The following GALM variants were observed in gnomAD, a reference collection of about 807,000 sequenced individuals.
The protein encoded by GALM is aldose 1-epimerase.
In GALM, 43 loss-of-function variants were observed where a neutral mutation model predicts 37.4. That is an observed-to-expected ratio of 1.15 (90% CI 0.90 to 1.48). The LOEUF is 1.48. GALM is among the 40% of genes most tolerant of loss of function. The probability of loss-of-function intolerance (pLI) is 0.00; values close to 1 mark genes in which losing one functional copy is unlikely to be tolerated. For missense variants in GALM, 456 were observed against 419.1 expected, an observed-to-expected ratio of 1.09 and a Z score of -0.77; for synonymous variants, 199 against 170.6, an observed-to-expected ratio of 1.17 and a Z score of -1.30.
chr2:38,696,781 CTTTTTTTTT>C (rs34163863), intron 4 of GALM, among the ~76,000 whole-genome samples: 10 of 68,474 alleles, frequency 1.5e-4, no homozygotes, highest in Non-Finnish European at 2.2e-4. Context: ...CCCAAGAAAG[CTTTTTTTTT>C]TTTTTTTTTT....
chr2:38,686,241 T>TTTCTTTCTTTCTTTCTTTCTTTCTTTCC (rs1665520073), intron 3 of GALM, among the ~76,000 whole-genome samples: 3 of 93,630 alleles, frequency 3.2e-5, no homozygotes, highest in African/African-American at 1.9e-4. Context: ...TCTTTCTTTC[T>TTTCTTTCTTTCTTTCTTTCTTTCTTTCC]TTCTTTCTTT....
chr2:38,674,249 G>A (rs949419136), intron 1 of GALM, among the ~76,000 whole-genome samples: 1 of 150,998 alleles, frequency 6.6e-6, no homozygotes, highest in East Asian at 1.9e-4. Context: ...GAGTGCAATG[G>A]CATGATCTTG....
intron 4 of GALM, chr2:38,698,288 C>G: frequency 1.7e-6 from 1 of 599,604 alleles, no homozygotes; most frequent in East Asian, 7.2e-5. Context: ...AGATGAAATT[C>G]CGGCACTTAG....
chr2:38,715,045 T>C (rs887239158), intron 4 of GALM, among the ~76,000 whole-genome samples: 1 of 152,206 alleles, frequency 6.6e-6, no homozygotes, highest in African/African-American at 2.4e-5. Flanking sequence ...TTCTTCAGGG[T>C]TGGGTGAATA....
At chr2:38,682,306 TAGATTA>T (rs771946867) in intron 3 of GALM, 1 of 451,004 alleles carries the variant, frequency 2.2e-6, no homozygotes, top group South Asian at 1.6e-5. Flanking sequence ...CTAAACTCTG[TAGATTA>T]TATCTATTAC....
intron 2 of GALM, among the ~76,000 whole-genome samples, chr2:38,678,517 G>C (rs955302880): frequency 7.9e-5 from 12 of 152,146 alleles, no homozygotes; most frequent in African/African-American, 2.9e-4. Context: ...TAGGTAGCAA[G>C]TTAAGATTTC....
At chr2:38,690,356 G>A (rs116094272) in intron 4 of GALM, among the ~76,000 whole-genome samples, 3,352 of 151,538 alleles carry the variant, frequency 0.022, 107 homozygotes, top group African/African-American at 0.077. Context: ...AGAAACTAAA[G>A]TTAAAAAAAA....
intron 4 of GALM, among the ~76,000 whole-genome samples, chr2:38,692,520 G>A (rs1362098569): frequency 6.6e-6 from 1 of 152,100 alleles, no homozygotes; most frequent in Non-Finnish European, 1.5e-5. Flanking sequence ...CAAAGTGCTG[G>A]GATTACAGGT....
At chr2:38,722,081 C>T (rs1375932032) in intron 4 of GALM, among the ~76,000 whole-genome samples, 2 of 127,530 alleles carry the variant, frequency 1.6e-5, no homozygotes, top group Non-Finnish European at 3.2e-5. Flanking sequence ...TCATGCGGGC[C>T]GGGTGAGGCG....
chr2:38,725,860 C>T (rs1483500120), intron 4 of GALM, among the ~76,000 whole-genome samples: 3 of 151,934 alleles, frequency 2.0e-5, no homozygotes, highest in Admixed American at 6.6e-5. Flanking sequence ...TACAGGTATG[C>T]GCCACCACGC....
chr2:38,702,113 T>C (rs1244054473), intron 4 of GALM, among the ~76,000 whole-genome samples: 1 of 152,072 alleles, frequency 6.6e-6, no homozygotes, highest in Non-Finnish European at 1.5e-5. Context: ...CTGGCTTATA[T>C]TATGGGCTTC....
At chr2:38,729,438 C>G (rs1255575694) in intron 4 of GALM, 118 bp from the exon 5 acceptor site, 14 of 741,508 alleles carry the variant, frequency 1.9e-5, no homozygotes, top group Non-Finnish European at 2.5e-5. Context: ...GGGCTCCCAT[C>G]TCCTTAACAA....
intron 4 of GALM, among the ~76,000 whole-genome samples, chr2:38,699,610 G>T (rs1388635434): frequency 1.3e-5 from 2 of 152,106 alleles, no homozygotes; most frequent in African/African-American, 4.8e-5. Context: ...CTGAGGTCAG[G>T]AGTTCAAGAC....
chr2:38,671,891 C>A lies in GALM; in HGVS notation c.191-4021C>A, dbSNP rs541986168. On this transcript the variant is annotated intron_variant, in intron 1 of 6. Coordinates refer to ENST00000272252, the MANE Select transcript of GALM (RefSeq NM_138801.3). ...CCTGTAGTCCCAGCTATTTGGGAGGCTGAGGTGGGGACCTGAGCCTGGAGG... is the reference window on the plus strand; with the variant it reads ...CCTGTAGTCCCAGCTATTTGGGAGGATGAGGTGGGGACCTGAGCCTGGAGG... Among the ~76,000 whole-genome samples the A allele has an allele frequency of 1.1e-4, 17 of 152,114 alleles. No homozygotes were observed. The East Asian group carries it at 3.3e-3, about 29-fold the overall frequency.
At chr2:38,675,226 C>T (rs1024322929) in intron 1 of GALM, among the ~76,000 whole-genome samples, 5 of 152,096 alleles carry the variant, frequency 3.3e-5, no homozygotes, top group Non-Finnish European at 5.9e-5. Flanking sequence ...AAAAAGCACA[C>T]AGATGCATAT....
chr2:38,732,084 G>A (rs910248735), intron 6 of GALM, among the ~76,000 whole-genome samples, 175 bp downstream of exon 6: 1 of 152,128 alleles, frequency 6.6e-6, no homozygotes, highest in Middle Eastern at 3.4e-3. Context: ...GCAGTGGCAC[G>A]ATCTCAGCTC....
At chr2:38,706,495 C>T (rs1364223682) in intron 4 of GALM, among the ~76,000 whole-genome samples, 8 of 136,118 alleles carry the variant, frequency 5.9e-5, no homozygotes, top group Middle Eastern at 4.0e-3. Context: ...GGCAACATAT[C>T]GAGACCCCAT....
rs537422248 is a variant in GALM, at chr2:38,696,382, G to T, written c.634+6488G>T. On this transcript the variant is annotated intron_variant, in intron 4 of 6. Coordinates refer to ENST00000272252, the MANE Select transcript of GALM (RefSeq NM_138801.3). ...GATCCACCTGCCTTAGCCTCCCAAA[G>T]TGCTGGGATCACAGGCATGAGCCAC... 1.3e-3 allele frequency among the ~76,000 whole-genome samples: 191 copies of T among 151,476 alleles called. 1 individual carries two copies. The highest frequency in any genetic ancestry group is 3.5e-3 in the Middle Eastern group (1 of 284).
chr2:38,719,482 AT>A (rs758828697), intron 4 of GALM, among the ~76,000 whole-genome samples: 5 of 132,240 alleles, frequency 3.8e-5, no homozygotes, highest in Non-Finnish European at 4.9e-5. Flanking sequence ...AAAAAAAAAA[AT>A]TAGGATCCTG....
Sources: allele counts gnomAD v4.1 joint callset (sites outside exome capture counted in the v4.1 genomes callset), GRCh38; gene constraint gnomAD v4.1.1; transcripts MANE v1.5; gene names NCBI Gene and HGNC (gene_info 2026-07-23, HGNC 2026-07-21).